The following NOTCH3 variants were observed in gnomAD, a reference collection of about 807,000 sequenced individuals.
NOTCH3 encodes neurogenic locus notch homolog protein 3.
A neutral mutation model predicts 213.3 loss-of-function variants in NOTCH3; 86 were observed. That is an observed-to-expected ratio of 0.40 (90% CI 0.34 to 0.48). NOTCH3 has a LOEUF of 0.48. NOTCH3 is among the 20% of genes least tolerant of loss of function. The pLI, the probability that NOTCH3 is intolerant of heterozygous loss-of-function variation, is 0.57. For synonymous variants in NOTCH3, 1,354 were observed against 1,355.9 expected (o/e 1.00, Z 0.03); for missense variants, 2,783 against 3,272.6 (o/e 0.85, Z 3.65).
chr19:15,162,039 T>C (rs1207862824), intron 32 of NOTCH3, among the ~76,000 whole-genome samples: 2 of 142,190 alleles, frequency 1.4e-5, no homozygotes, highest in Non-Finnish European at 3.0e-5. Context: ...TGGAGTGCAG[T>C]GGCGCCATTT....
intron 1 of NOTCH3, among the ~76,000 whole-genome samples, chr19:15,200,266 G>A (rs1354477320): frequency 6.6e-6 from 1 of 151,688 alleles, no homozygotes; most frequent in African/African-American, 2.4e-5. Flanking sequence ...ATCCGGCTCC[G>A]GGTCTTGCTG....
chr19:15,184,500 G>T, intron 15 of NOTCH3, 50 bp from the exon 16 acceptor site: 1 of 1,582,944 alleles, frequency 6.3e-7, no homozygotes, highest in African/African-American at 1.3e-5. Context: ...TACAGAGCAG[G>T]GTCTCAGGGA....
In NOTCH3 at chr19:15,188,313, C is replaced by T. The variant is rs1173660165; in HGVS notation, c.1414G>A (p.Glu472Lys). ...TGTYCEVDID[E>K]CQSSPCVNGG... ...TTGACACAGGGGCTACTCTGACACT[C>T]GTCAATGTCCACCTCGCAATAGGTT... The change falls in exon 9 of 33, where the codon GAG becomes AAG. Residue 472 changes from glutamate to lysine, a missense_variant. This residue lies in a region of NOTCH3 where 708 missense variants were observed against 906.6 expected (regional missense o/e 0.78). Transcript: ENST00000263388. 2 of 1,605,066 alleles carry T rather than the reference C, an allele frequency of 1.2e-6. No homozygotes were observed. Among genetic ancestry groups the T allele is most frequent in the Non-Finnish European group, 1.7e-6 (2 of 1,175,478 alleles).
At position 15,162,362 on chromosome 19, in the gene NOTCH3, ATTTTG is replaced by A. The variant is rs751052190; in HGVS notation, c.5913+98_5913+102del. The A allele has an allele frequency of 4.6e-6, 4 of 874,382 alleles. No homozygotes were observed. In the African/African-American group the frequency reaches 6.7e-5, roughly 15 times the overall value. The allele number at this position is 874,382 out of a possible 1,614,324, so 54.2% of individuals were successfully genotyped here. A position where few individuals can be genotyped will look rare whatever the true frequency, so the allele number is the denominator to read the frequency against. ...ATTTTAATCCAATGTTTGGGGTTTT[ATTTTG>A]TTTTGTTTTTTGAGAGAGTCTCACT... On this transcript the variant is annotated intron_variant, in intron 32 of 32. Coordinates refer to ENST00000263388, the MANE Select transcript of NOTCH3 (RefSeq NM_000435.3).
intron 28 of NOTCH3, 86 bp from the exon 29 acceptor site, chr19:15,167,497 C>T (rs2046695922): frequency 2.3e-6 from 3 of 1,280,408 alleles, no homozygotes; most frequent in Non-Finnish European, 2.2e-6. Context: ...GGCATTCCTA[C>T]AGGTTTCTCT....
Position 15,197,598 on chromosome 19 carries a change from G to C in NOTCH3, c.119-20C>G, listed in dbSNP as rs534864781. ...GGGGGGCTGTGTGGGGGTGAAGGAA[G>C]GTGGAGGATCAGCCAGGTGCCCAGG... On this transcript the variant is annotated intron_variant, in intron 1 of 32. Transcript: ENST00000263388. 1.9e-6 allele frequency: 3 copies of C among 1,609,386 alleles called. No homozygotes were observed. Among genetic ancestry groups the C allele is most frequent in the African/African-American group, 1.3e-5 (1 of 74,980 alleles).
chr19:15,188,030 A>T (rs1473912794), intron 9 of NOTCH3, 36 bp from the exon 10 acceptor site: 1 of 1,498,476 alleles, frequency 6.7e-7, no homozygotes, highest in African/African-American at 1.4e-5. Context: ...AGGCCCAGAA[A>T]GGGTGAGAGC....
In NOTCH3 at chr19:15,192,247, C is replaced by T. The variant is rs2046934844; in HGVS notation, c.392G>A (p.Gly131Asp). Residue 131 changes from glycine (G) to aspartate (D), a missense_variant, in exon 4 of 33, where the codon GGT becomes GAT. Transcript: ENST00000263388. ...DPCLSSPCAH[G>D]ARCSVGPDGR... is the part of the protein sequence containing the mutation. Reference sequence around the variant, plus strand: ...ATCGGGCCCCACTGAGCAGCGGGCACCGTGGGCACAAGGGCTGCTGAGGCA... The same window carrying T: ...ATCGGGCCCCACTGAGCAGCGGGCATCGTGGGCACAAGGGCTGCTGAGGCA... 6.2e-7 allele frequency: 1 copy of T among 1,603,228 alleles called. No individual in the cohort carries two copies. The highest frequency in any genetic ancestry group is 8.5e-7 in the Non-Finnish European group (1 of 1,175,454).
chr19:15,175,600 C>T (rs975911545), intron 24 of NOTCH3, among the ~76,000 whole-genome samples: 5 of 137,228 alleles, frequency 3.6e-5, no homozygotes, highest in Non-Finnish European at 6.2e-5. Flanking sequence ...TACACACACA[C>T]ACACACACAC....
rs2046645852 is a variant in NOTCH3, at chr19:15,161,726, G to A, written c.5914-12C>T. 1 of 1,612,214 alleles carries A rather than the reference G, an allele frequency of 6.2e-7. No individual in the cohort carries two copies. Among genetic ancestry groups the A allele is most frequent in the East Asian group, 2.2e-5 (1 of 44,840 alleles). On this transcript the variant is annotated splice_polypyrimidine_tract_variant and intron_variant, in intron 32 of 32. Coordinates refer to ENST00000263388, the MANE Select transcript of NOTCH3 (RefSeq NM_000435.3). ...AGGGGGGTCTCCTCCTGGGGGGCCA[G>A]AACCCACAGAGGTCAGCGAAACCCC...
At chr19:15,177,225 G>C (rs888639067) in intron 24 of NOTCH3, among the ~76,000 whole-genome samples, 2 of 151,578 alleles carry the variant, frequency 1.3e-5, no homozygotes, top group Non-Finnish European at 2.9e-5. Flanking sequence ...CTCTAGCCTG[G>C]GCCACAGAGC....
In NOTCH3 at chr19:15,165,335, C is replaced by G. The variant is rs1430275650; in HGVS notation, c.5815+33G>C. ...ACCCTCAGGGCCCAGGTGACACCAA[C>G]CCAGCTTAGACTTGATTCCTCTGCC... On this transcript the variant is annotated intron_variant, in intron 31 of 32. Coordinates refer to ENST00000263388, the MANE Select transcript of NOTCH3 (RefSeq NM_000435.3). This position sits in a 1 kb window ranked among gnomAD's most constrained non-coding sequence, Gnocchi z 4.7. The G allele has an allele frequency of 9.4e-6, 15 of 1,600,368 alleles. No homozygotes were observed. Among genetic ancestry groups the G allele is most frequent in the Middle Eastern group, 1.7e-4 (1 of 6,060 alleles).
intron 24 of NOTCH3, among the ~76,000 whole-genome samples, chr19:15,176,579 T>C: frequency 6.6e-6 from 1 of 151,826 alleles, no homozygotes; most frequent in Non-Finnish European, 1.5e-5. Context: ...CTGGACAACA[T>C]GGCGAAACCC....
chr19:15,191,785 G>A lies in NOTCH3; in HGVS notation c.762C>T (p.Gly254=), dbSNP rs747601491. The change falls in exon 5 of 33, where the codon GGC becomes GGT. Residue 254 remains glycine (G), a synonymous_variant. Coordinates refer to ENST00000263388, the MANE Select transcript of NOTCH3 (RefSeq NM_000435.3). ...GGCACTGGCAGTTATAGGTGTTGAC[G>A]CCATCCACGCATGTCCCCCCATTGA... ...RCLNGGTCVD[G]VNTYNCQCPP... The A allele has an allele frequency of 5.0e-6, 8 of 1,613,780 alleles. No homozygotes were observed. The East Asian group carries it at 6.7e-5, about 13-fold the overall frequency.
At position 15,165,302 on chromosome 19, in the gene NOTCH3, C is replaced by A. The variant is rs141839014; in HGVS notation, c.5815+66G>T. The stretch of plus-strand genomic sequence containing the variant: ...GTCTCAACATGGGTATGAATTTGCA[C>A]CAACATGACCCTCAGGGCCCAGGTG... On this transcript the variant is annotated intron_variant, in intron 31 of 32. Transcript: ENST00000263388. The surrounding 1 kb of genome is among the most constrained non-coding windows in gnomAD (Gnocchi z 4.7). 230 of 1,544,110 alleles carry A rather than the reference C, an allele frequency of 1.5e-4. No individual in the cohort carries two copies. The African/African-American group carries it at 2.3e-3, about 15-fold the overall frequency.
At chr19:15,167,512 G>C in intron 28 of NOTCH3, 101 bp from the exon 29 acceptor site, 1 of 1,053,786 alleles carries the variant, frequency 9.5e-7, no homozygotes, top group Non-Finnish European at 1.4e-6. Context: ...TTCTCTTTAG[G>C]AGATACACAC....
At position 15,185,472 on chromosome 19, in the gene NOTCH3, G is replaced by A. The variant is rs2046873717; in HGVS notation, c.2144+15C>T. ...GGGAGAGGGGGCAGTGTCTGAGGCT[G>A]AGAAGGGCCCTCACCCGCCAGGTGC... On this transcript the variant is annotated intron_variant, in intron 13 of 32. Transcript: ENST00000263388. This position sits in a 1 kb window ranked among gnomAD's most constrained non-coding sequence, Gnocchi z 4.2. 1.2e-6 allele frequency: 2 copies of A among 1,612,974 alleles called. No individual in the cohort carries two copies. The highest frequency in any genetic ancestry group is 2.7e-5 in the African/African-American group (2 of 74,986).
chr19:15,176,159 A>AT (rs34620350), intron 24 of NOTCH3, among the ~76,000 whole-genome samples: 3,994 of 119,932 alleles, frequency 0.033, 53 homozygotes, highest in East Asian at 0.063. Flanking sequence ...AACAAAAGCA[A>AT]TTTTTTTTTT....
In NOTCH3 at chr19:15,185,261, G is replaced by A. The variant is rs2046871556; in HGVS notation, c.2292C>T (p.Val764=). 1 of 1,613,156 alleles carries A rather than the reference G, an allele frequency of 6.2e-7. No individual in the cohort carries two copies. ...GAGGGAAGGTGAGGTACACACCCTGGACACCAGGCGGGCAGGTGCAGTGGA... is the reference window on the plus strand; with the variant it reads ...GAGGGAAGGTGAGGTACACACCCTGAACACCAGGCGGGCAGGTGCAGTGGA... The part of the protein sequence containing the change: ...MGFHCTCPPG[V]QGRQCELLSP... The change falls in exon 14 of 33, where the codon GTC becomes GTT. Residue 764 remains valine (V), a synonymous_variant. Transcript: ENST00000263388. The surrounding 1 kb of genome is among the most constrained non-coding windows in gnomAD (Gnocchi z 4.2).
Sources: gnomAD v4.1 joint callset for allele counts (sites outside exome capture counted in the v4.1 genomes callset) on GRCh38, gnomAD v4.1.1 for gene constraint, gnomAD v4.1.1 regional missense constraint, Gnocchi (gnomAD v3.1) non-coding constraint, MANE v1.5 for transcripts, NCBI Gene and HGNC (gene_info 2026-07-23, HGNC 2026-07-21) for gene names.